Variants in ADCY7 observed in about 807,000 individuals in gnomAD.
ADCY7 encodes the protein adenylate cyclase 7.
Under a neutral mutation model 120.6 loss-of-function variants are expected in ADCY7, and 72 were observed. That is an observed-to-expected ratio of 0.60 (90% CI 0.49 to 0.73). ADCY7 has a LOEUF of 0.73. Ranked by LOEUF, ADCY7 falls within the 30% of genes least tolerant of loss-of-function variation. The pLI, the probability that ADCY7 is intolerant of heterozygous loss-of-function variation, is 0.00. For missense variants in ADCY7, 1,227 were observed against 1,486.0 expected (o/e 0.83, Z 2.87); for synonymous variants, 661 against 628.0 (o/e 1.05, Z -0.78).
At chr16:50,277,668 G>GTTTTTTT (rs755335071) in intron 1 of ADCY7, among the ~76,000 whole-genome samples, 2 of 114,972 alleles carry the variant, frequency 1.7e-5, no homozygotes, top group African/African-American at 6.4e-5. Flanking sequence ...ACCATGGTAG[G>GTTTTTTT]TTTTTTTTTT....
chr16:50,257,093 A>G (rs1471446395), intron 1 of ADCY7, among the ~76,000 whole-genome samples: 2 of 152,160 alleles, frequency 1.3e-5, no homozygotes, highest in African/African-American at 4.8e-5. Context: ...AATCCAAGAA[A>G]TCTAGGCTGT....
At position 50,308,411 on chromosome 16, in the gene ADCY7, G is replaced by A. The variant is rs556897150; in HGVS notation, c.1935G>A (p.Ser645=). The change falls in exon 16 of 26, where the codon TCG becomes TCA. Residue 645 remains serine (S), a splice_region_variant and synonymous_variant. Transcript: ENST00000673801. ...VLGLCFATKF[S]RCCPARGTLC... is the part of the protein sequence containing the mutation. The stretch of plus-strand genomic sequence containing the variant: ...GCCTGTGCTTTGCCACCAAGTTCTC[G>A]GTAAGTGGGGAGCTCTGGCCCCGCG... The A allele has an allele frequency of 7.4e-5, 119 of 1,614,176 alleles. No individual in the cohort carries two copies. Among genetic ancestry groups the A allele is most frequent in the East Asian group, 2.5e-4 (11 of 44,882 alleles).
Position 50,273,543 on chromosome 16 carries a change from C to T in ADCY7, c.-269+6863C>T, listed in dbSNP as rs148939910. Among the ~76,000 whole-genome samples the T allele has an allele frequency of 1.4e-3, 217 of 152,296 alleles. 1 individual carries two copies. The highest frequency in any genetic ancestry group is 5.1e-3 in the African/African-American group (210 of 41,564). ...CTTGGCAGATGGGGGTCTGGTGGCA[C>T]CAACATGTGGCCTCTTTCCTGGTGG... On this transcript the variant is annotated intron_variant, in intron 1 of 25. Coordinates refer to ENST00000673801, the MANE Select transcript of ADCY7 (RefSeq NM_001114.5).
rs988948068 is a variant in ADCY7 at position 50,287,956 on chromosome 16, G to A, written c.-224G>A. ...GAGTCAGCCCAGTCTGGATGCACAG[G>A]AGGATGCTGGCGGCACAGTGAGTGA... On this transcript the variant is annotated 5_prime_UTR_variant, in exon 2 of 26. Coordinates refer to ENST00000673801, the MANE Select transcript of ADCY7 (RefSeq NM_001114.5). The A allele has an allele frequency of 4.2e-6, 2 of 480,826 alleles. No homozygotes were observed. The highest frequency in any genetic ancestry group is 4.1e-5 in the Admixed American group (1 of 24,684). The allele number at this position is 480,826 out of a possible 1,614,324, so 29.8% of individuals were successfully genotyped here.
At chr16:50,251,507 G>T (rs762882491) in intron 1 of ADCY7, among the ~76,000 whole-genome samples, 11 of 152,222 alleles carry the variant, frequency 7.2e-5, no homozygotes, top group Non-Finnish European at 8.8e-5. Flanking sequence ...TCAGGACACC[G>T]CAGAGGCCAG....
chr16:50,284,485 C>T (rs1350601178), intron 1 of ADCY7, among the ~76,000 whole-genome samples: 1 of 152,250 alleles, frequency 6.6e-6, no homozygotes, highest in African/African-American at 2.4e-5. Flanking sequence ...CACACTCTCA[C>T]ACTTGCACTT....
rs1427752460 is a variant in ADCY7, at chr16:50,310,805, A to G, written c.2279A>G (p.Asn760Ser). ...VALVAYLVLF[N>S]LSPCWQWDCC... Reference sequence around the variant, plus strand: ...CTGGTGGCCTACCTGGTGCTCTTCAACCTCTCCCCATGCTGGCAGTGGGAC... The same window carrying G: ...CTGGTGGCCTACCTGGTGCTCTTCAGCCTCTCCCCATGCTGGCAGTGGGAC... The change falls in exon 19 of 26, where the codon AAC becomes AGC. Residue 760 changes from asparagine (N) to serine (S), a missense_variant. Transcript: ENST00000673801. 7 of 1,613,790 alleles carry G rather than the reference A, an allele frequency of 4.3e-6. No homozygotes were observed. Among genetic ancestry groups the G allele is most frequent in the African/African-American group, 1.3e-5 (1 of 74,876 alleles).
intron 18 of ADCY7, among the ~76,000 whole-genome samples, chr16:50,309,983 C>G (rs2036344316): frequency 6.6e-6 from 1 of 152,180 alleles, no homozygotes; most frequent in African/African-American, 2.4e-5. Flanking sequence ...ATGCACAGCT[C>G]AGGGAGGGGC....
chr16:50,307,281 G>C (rs763912337), intron 15 of ADCY7, 134 bp downstream of exon 15: 5 of 731,062 alleles, frequency 6.8e-6, no homozygotes, highest in Non-Finnish European at 9.0e-6. Context: ...TGGACCAGGG[G>C]CTGTGGCAGC....
intron 4 of ADCY7, among the ~76,000 whole-genome samples, chr16:50,292,415 T>A (rs2035045397): frequency 6.6e-6 from 1 of 152,240 alleles, no homozygotes; most frequent in Non-Finnish European, 1.5e-5. Flanking sequence ...TTAGCACGCA[T>A]GCCCCTCGGG....
intron 1 of ADCY7, among the ~76,000 whole-genome samples, chr16:50,254,897 T>C (rs1340098781): frequency 6.6e-6 from 1 of 150,894 alleles, no homozygotes; most frequent in Non-Finnish European, 1.5e-5. Flanking sequence ...AAAGTGATCT[T>C]GAGCAAGAAG....
intron 21 of ADCY7, 109 bp from the exon 22 acceptor site, chr16:50,312,781 G>T: frequency 9.5e-7 from 1 of 1,056,936 alleles, no homozygotes; most frequent in South Asian, 1.8e-5. Flanking sequence ...CCCACTCCCC[G>T]AAAGCTGGGC....
intron 1 of ADCY7, among the ~76,000 whole-genome samples, chr16:50,266,951 T>G (rs907823195): frequency 6.6e-6 from 1 of 152,166 alleles, no homozygotes; most frequent in Non-Finnish European, 1.5e-5. Context: ...ATGTTGTACA[T>G]GTGGCCCGTT....
At position 50,290,620 on chromosome 16, in the gene ADCY7, T is replaced by C; in HGVS notation, c.335T>C (p.Val112Ala). Residue 112 changes from valine (V) to alanine (A), a missense_variant, in exon 3 of 26, where the codon GTG (valine) becomes GCG (alanine). By Grantham distance (64) the Val-to-Ala change is moderately conservative (BLOSUM62 0). Coordinates refer to ENST00000673801, the MANE Select transcript of ADCY7 (RefSeq NM_001114.5). ...ACLVALGYVLVFDAWTKAACA... is the reference protein window; with the variant it reads ...ACLVALGYVLAFDAWTKAACA... ...TTGGTGGCGCTGGGCTATGTGCTGG[T>C]GTTCGACGCATGGACAAAGGCGGCC... 6.2e-7 allele frequency: 1 copy of C among 1,614,078 alleles called. No homozygotes were observed. The highest frequency in any genetic ancestry group is 8.5e-7 in the Non-Finnish European group (1 of 1,179,996).
intron 17 of ADCY7, chr16:50,309,069 T>C: frequency 2.6e-6 from 1 of 388,112 alleles, no homozygotes; most frequent in Non-Finnish European, 4.6e-6. Context: ...TCACGGCCCT[T>C]CTGAGACTCA....
intron 1 of ADCY7, among the ~76,000 whole-genome samples, chr16:50,270,904 C>T (rs921274263): frequency 2.6e-5 from 4 of 152,164 alleles, no homozygotes; most frequent in Non-Finnish European, 4.4e-5. Flanking sequence ...CCGGGGATCC[C>T]GCCAGCCCCC....
At position 50,297,853 on chromosome 16, in the gene ADCY7, G is replaced by T. The variant is rs1280904540; in HGVS notation, c.949-1051G>T. ...ACAGGGCCACCTGCTGGGGCGTCCA[G>T]TCCGAGGGTCAGCTGAGTGGGGTAG... is the stretch of plus-strand genomic sequence containing the variant. On this transcript the variant is annotated intron_variant, in intron 7 of 25. Coordinates refer to ENST00000673801, the MANE Select transcript of ADCY7 (RefSeq NM_001114.5). This position sits in a 1 kb window ranked among gnomAD's most constrained non-coding sequence, Gnocchi z 4.4. Among the ~76,000 whole-genome samples, 1 of 152,172 alleles carries T rather than the reference G, an allele frequency of 6.6e-6. No individual in the cohort carries two copies.
intron 13 of ADCY7, 28 bp downstream of exon 13, chr16:50,305,614 C>G (rs11861597): frequency 1.1e-5 from 17 of 1,571,588 alleles, no homozygotes; most frequent in Non-Finnish European, 1.5e-5. Flanking sequence ...TGTCCACCCC[C>G]CTCTCCTCTC....
At position 50,281,071 on chromosome 16, in the gene ADCY7, G is replaced by A. The variant is rs905778826; in HGVS notation, c.-268-6841G>A. ...AACTTTGCAGGCTGTTAGGAGATGCGGTGGGGGGCCTGCCCACTCTGCACC... is the reference window on the plus strand; with the variant it reads ...AACTTTGCAGGCTGTTAGGAGATGCAGTGGGGGGCCTGCCCACTCTGCACC... On this transcript the variant is annotated intron_variant, in intron 1 of 25. Transcript: ENST00000673801. Among the ~76,000 whole-genome samples, 14 of 152,126 alleles carry A rather than the reference G, an allele frequency of 9.2e-5. 1 individual carries two copies. Among genetic ancestry groups the A allele is most frequent in the African/African-American group, 1.2e-4 (5 of 41,438 alleles).
Sources: gnomAD v4.1 joint callset for allele counts (sites outside exome capture counted in the v4.1 genomes callset) on GRCh38, gnomAD v4.1.1 for gene constraint, Gnocchi (gnomAD v3.1) non-coding constraint, MANE v1.5 for transcripts, NCBI Gene and HGNC (gene_info 2026-07-23, HGNC 2026-07-21) for gene names.